The following CPQ variants were observed in gnomAD, a reference collection of about 807,000 sequenced individuals.
CPQ encodes carboxypeptidase Q.
A neutral mutation model predicts 45.7 loss-of-function variants in CPQ; 37 were observed. That is an observed-to-expected ratio of 0.81 (90% CI 0.62 to 1.07). The LOEUF (loss-of-function observed/expected upper bound fraction) is 1.07. Ranked by LOEUF, CPQ falls within the 50% of genes least tolerant of loss-of-function variation. The probability of loss-of-function intolerance (pLI) is 0.00; values close to 1 mark genes in which losing one functional copy is unlikely to be tolerated. For synonymous variants in CPQ, 186 were observed against 205.8 expected, an observed-to-expected ratio of 0.90 and a Z score of 0.82; for missense variants, 537 against 572.9, an observed-to-expected ratio of 0.94 and a Z score of 0.64.
intron 1 of CPQ, among the ~76,000 whole-genome samples, chr8:96,679,469 A>G (rs754365394): frequency 2.0e-5 from 3 of 151,880 alleles, no homozygotes; most frequent in Admixed American, 1.3e-4. Flanking sequence ...CTCTTCTCCA[A>G]TTTTTTTGAA....
chr8:96,685,535 A>C (rs188946748), intron 1 of CPQ, among the ~76,000 whole-genome samples: 73 of 152,154 alleles, frequency 4.8e-4, no homozygotes, highest in African/African-American at 1.7e-3. Flanking sequence ...AAAATTTTCT[A>C]ACTATATTTG....
In CPQ at chr8:96,740,324, C is replaced by G. The variant is rs567299353; in HGVS notation, c.-34-44540C>G. On this transcript the variant is annotated intron_variant, in intron 1 of 7. Coordinates refer to ENST00000220763, the MANE Select transcript of CPQ (RefSeq NM_016134.4). ...TGTACCTTGATTTTTTATCCTGAGA[C>G]TTTGCTGAAGTTGCTTATCAGCTTA... Among the ~76,000 whole-genome samples the G allele has an allele frequency of 1.3e-4, 20 of 152,252 alleles. 1 individual carries two copies. In the East Asian group the frequency reaches 3.5e-3, roughly 26 times the overall value.
intron 5 of CPQ, among the ~76,000 whole-genome samples, chr8:97,006,882 A>G (rs1809393657): frequency 6.6e-6 from 1 of 152,182 alleles, no homozygotes; most frequent in Non-Finnish European, 1.5e-5. Context: ...TGCATGGAAG[A>G]GTTGAAACTC....
At chr8:97,087,325 C>A (rs1288760706) in intron 7 of CPQ, among the ~76,000 whole-genome samples, 4 of 152,080 alleles carry the variant, frequency 2.6e-5, no homozygotes, top group Non-Finnish European at 5.9e-5. Context: ...CTGTGAAAAA[C>A]CGAAGGGGAA....
intron 7 of CPQ, among the ~76,000 whole-genome samples, chr8:97,069,055 G>C (rs1323769448): frequency 2.0e-5 from 3 of 152,168 alleles, no homozygotes; most frequent in Non-Finnish European, 4.4e-5. Context: ...AAAGGAGTTT[G>C]TTATTGTAAA....
chr8:96,846,568 A>G (rs905634918), intron 3 of CPQ, among the ~76,000 whole-genome samples: 2 of 152,092 alleles, frequency 1.3e-5, no homozygotes, highest in Non-Finnish European at 2.9e-5. Flanking sequence ...ATTTTGCCAC[A>G]TTTGCTTTCT....
At chr8:97,007,911 G>A (rs747495719) in intron 5 of CPQ, among the ~76,000 whole-genome samples, 4 of 152,060 alleles carry the variant, frequency 2.6e-5, no homozygotes, top group African/African-American at 4.8e-5. Flanking sequence ...AACTCACTGC[G>A]GTATAATTAT....
chr8:96,834,076 C>T (rs1214499124), intron 2 of CPQ, among the ~76,000 whole-genome samples: 2 of 152,180 alleles, frequency 1.3e-5, no homozygotes, highest in Non-Finnish European at 1.5e-5. Flanking sequence ...TATATTTAGC[C>T]ACTGCATCTG....
At chr8:96,843,210 G>A (rs1217908697) in intron 3 of CPQ, among the ~76,000 whole-genome samples, 1 of 152,124 alleles carries the variant, frequency 6.6e-6, no homozygotes, top group African/African-American at 2.4e-5. Context: ...CTGGCCTTTT[G>A]TGGGGTTTAA....
At chr8:96,829,163 G>A (rs1033698919) in intron 2 of CPQ, among the ~76,000 whole-genome samples, 2 of 152,036 alleles carry the variant, frequency 1.3e-5, no homozygotes, top group Admixed American at 1.3e-4. Context: ...ACAGCAAGTG[G>A]CTCTCAGCAC....
At chr8:96,675,970 C>T (rs996589474) in intron 1 of CPQ, among the ~76,000 whole-genome samples, 1 of 151,614 alleles carries the variant, frequency 6.6e-6, no homozygotes, top group Non-Finnish European at 1.5e-5. Context: ...TTTATCATAC[C>T]AAAAATGTTT....
intron 3 of CPQ, among the ~76,000 whole-genome samples, chr8:96,861,245 G>A (rs541411559): frequency 5.3e-5 from 8 of 152,154 alleles, no homozygotes; most frequent in South Asian, 4.2e-4. Flanking sequence ...ACTCTAGTTC[G>A]GAGCAAAATT....
chr8:97,026,781 T>A (rs1268196170), intron 5 of CPQ, among the ~76,000 whole-genome samples: 1 of 152,232 alleles, frequency 6.6e-6, no homozygotes, highest in Non-Finnish European at 1.5e-5. Context: ...AATCAATTAC[T>A]TCTTTATTAC....
chr8:96,756,642 C>T (rs948770154), intron 1 of CPQ, among the ~76,000 whole-genome samples: 1 of 152,122 alleles, frequency 6.6e-6, no homozygotes, highest in Non-Finnish European at 1.5e-5. Context: ...ATTATTCAGA[C>T]TATTGTCATG....
intron 2 of CPQ, among the ~76,000 whole-genome samples, chr8:96,818,961 T>G (rs1242523761): frequency 6.6e-6 from 1 of 152,120 alleles, no homozygotes; most frequent in African/African-American, 2.4e-5. Context: ...CCACTTCTTT[T>G]TCTCTTCTGT....
In CPQ at chr8:96,815,520, AAGAAAGAAAG is replaced by A. The variant is rs766738173; in HGVS notation, c.434-19441_434-19432del. Among the ~76,000 whole-genome samples, 62 of 152,160 alleles carry A rather than the reference AAGAAAGAAAG, an allele frequency of 4.1e-4. 1 individual carries two copies. Among genetic ancestry groups the A allele is most frequent in the Non-Finnish European group, 6.3e-4 (43 of 67,992 alleles). On this transcript the variant is annotated intron_variant, in intron 2 of 7. Coordinates refer to ENST00000220763, the MANE Select transcript of CPQ (RefSeq NM_016134.4). Reference sequence around the variant, plus strand: ...TTGAGGGGGTTGGAGGAAAAAAAGAAAGAAAGAAAGAGAAAGAAAGACAAGATGAAGATAC... The same window carrying A: ...TTGAGGGGGTTGGAGGAAAAAAAGAAAGAAAGAAAGACAAGATGAAGATAC...
chr8:97,115,986 G>T (rs1811585885), intron 7 of CPQ, among the ~76,000 whole-genome samples: 1 of 152,106 alleles, frequency 6.6e-6, no homozygotes, highest in Non-Finnish European at 1.5e-5. Context: ...TAAAAGGAGG[G>T]AGTAAAATAA....
intron 6 of CPQ, among the ~76,000 whole-genome samples, chr8:97,061,153 T>C (rs1810543725): frequency 6.6e-6 from 1 of 151,368 alleles, no homozygotes; most frequent in Non-Finnish European, 1.5e-5. Context: ...ATGCCAGAAT[T>C]CTGGTTTACT....
At chr8:96,903,077 C>A (rs1382325357) in intron 4 of CPQ, among the ~76,000 whole-genome samples, 1 of 152,154 alleles carries the variant, frequency 6.6e-6, no homozygotes, top group East Asian at 1.9e-4. Flanking sequence ...CATTCTTTCC[C>A]TTGTCAAGTG....
Sources: gnomAD v4.1 joint callset for allele counts (sites outside exome capture counted in the v4.1 genomes callset) on GRCh38, gnomAD v4.1.1 for gene constraint, MANE v1.5 for transcripts, NCBI Gene and HGNC (gene_info 2026-07-23, HGNC 2026-07-21) for gene names.